PCDHGB1: variants seen among roughly 807,000 people sequenced by gnomAD.
PCDHGB1 encodes the protein protocadherin gamma-B1.
In PCDHGB1, 34 loss-of-function variants were observed where a neutral mutation model predicts 56.6. That is an observed-to-expected ratio of 0.60 (90% confidence interval 0.46 to 0.80). The LOEUF (loss-of-function observed/expected upper bound fraction) is 0.80. Ranked by LOEUF, PCDHGB1 falls within the 30% of genes least tolerant of loss-of-function variation. PCDHGB1 has a pLI of 0.00. For missense variants in PCDHGB1, 1,278 were observed against 1,204.6 expected, an observed-to-expected ratio of 1.06 and a Z score of -0.90; for synonymous variants, 561 against 505.9, an observed-to-expected ratio of 1.11 and a Z score of -1.46.
chr5:141,382,890 C>A, intron 1 of PCDHGB1: 2 of 1,532,810 alleles, frequency 1.3e-6, no homozygotes, highest in Non-Finnish European at 1.8e-6. Flanking sequence ...GCAAGAGAAG[C>A]AGGACGACTA....
rs373430964 is a variant in PCDHGB1, at chr5:141,374,999, A to G, written c.2409+22330A>G. The G allele has an allele frequency of 1.1e-5, 17 of 1,613,928 alleles. No homozygotes were observed. The African/African-American group carries it at 2.1e-4, about 20-fold the overall frequency. On this transcript the variant is annotated intron_variant, in intron 1 of 3. Transcript: ENST00000523390. ...GACTGGAGAAATTTCAACTTCTGCA[A>G]ATCTAGACTATGAGGACTCGAGTTT...
At chr5:141,373,805 G>T in intron 1 of PCDHGB1, 1 of 337,732 alleles carries the variant, frequency 3.0e-6, no homozygotes, top group Non-Finnish European at 5.3e-6. Context: ...TCCTCTGTGT[G>T]ATAGTTTCAC....
intron 2 of PCDHGB1, among the ~76,000 whole-genome samples, chr5:141,497,865 A>G (rs1248242691): frequency 2.0e-5 from 3 of 152,168 alleles, no homozygotes; most frequent in Admixed American, 2.0e-4. Flanking sequence ...CAGCGGCTCC[A>G]AAGTGAAATA....
chr5:141,415,828 G>T, intron 1 of PCDHGB1: 1 of 1,293,336 alleles, frequency 7.7e-7, no homozygotes, highest in East Asian at 2.8e-5. Flanking sequence ...ATAAGGCTTT[G>T]TTATGATTAG....
At chr5:141,416,993 C>T (rs1230909560) in intron 1 of PCDHGB1, 1 of 151,494 alleles carries the variant, frequency 6.6e-6, no homozygotes, top group Non-Finnish European at 1.5e-5. Context: ...ATTGTGCATT[C>T]ATCTCAAATA....
At chr5:141,434,080 A>G (rs775751994) in intron 1 of PCDHGB1, among the ~76,000 whole-genome samples, 2 of 152,042 alleles carry the variant, frequency 1.3e-5, no homozygotes, top group Non-Finnish European at 2.9e-5. Flanking sequence ...TCAATTATTT[A>G]TTTTGATGCT....
chr5:141,418,007 C>G (rs1561770675), intron 1 of PCDHGB1: 1 of 1,613,904 alleles, frequency 6.2e-7, no homozygotes, highest in Non-Finnish European at 8.5e-7. Flanking sequence ...GGTGGGGAAC[C>G]TCGCTAAGGA....
chr5:141,483,435 A>G (rs2099581280), intron 1 of PCDHGB1, among the ~76,000 whole-genome samples: 1 of 152,180 alleles, frequency 6.6e-6, no homozygotes, highest in Admixed American at 6.5e-5. Context: ...GGAGCTGACT[A>G]CAATAAAATC....
intron 2 of PCDHGB1, among the ~76,000 whole-genome samples, chr5:141,499,800 C>A (rs2099794584): frequency 6.6e-6 from 1 of 150,704 alleles, no homozygotes; most frequent in Admixed American, 6.7e-5. Context: ...AATTCTCATG[C>A]TTCAGCCTCC....
chr5:141,393,073 C>T, intron 1 of PCDHGB1: 1 of 1,613,658 alleles, frequency 6.2e-7, no homozygotes. Context: ...TTGATCACCG[C>T]GGGCAGGATA....
Position 141,485,581 on chromosome 5 carries a change from G to C in PCDHGB1, c.2410-9226G>C. The C allele has an allele frequency of 6.2e-7, 1 of 1,612,458 alleles. No individual in the cohort carries two copies. The highest frequency in any genetic ancestry group is 8.5e-7 in the Non-Finnish European group (1 of 1,178,652). ...ATCACGCCCCCCGTTTTCCGCGGCA[G>C]CAGCTGGACTTGGAAATTGGGGAGG... On this transcript the variant is annotated intron_variant, in intron 1 of 3. Coordinates refer to ENST00000523390, the MANE Select transcript of PCDHGB1 (RefSeq NM_018922.3). This position sits in a 1 kb window ranked among gnomAD's most constrained non-coding sequence, Gnocchi z 5.7.
At chr5:141,400,161 T>A (rs1271912348) in intron 1 of PCDHGB1, 1 of 1,614,084 alleles carries the variant, frequency 6.2e-7, no homozygotes, top group South Asian at 1.1e-5. Flanking sequence ...CTGTACCCTC[T>A]GACCCCCAGG....
In PCDHGB1 at chr5:141,370,967, C is replaced by T. The variant is rs776738496; in HGVS notation, c.2409+18298C>T. On this transcript the variant is annotated intron_variant, in intron 1 of 3. Transcript: ENST00000523390. ...AGGAGAACCTGGATGGCAGTAGGTA[C>T]CCAGAGCTAGTACTGAAAGCACCCC... is the stretch of plus-strand genomic sequence containing the variant. 9.3e-6 allele frequency: 15 copies of T among 1,613,878 alleles called. 1 individual carries two copies. The South Asian group carries it at 1.3e-4, about 14-fold the overall frequency.
At chr5:141,374,879 G>A in intron 1 of PCDHGB1, 1 of 1,613,694 alleles carries the variant, frequency 6.2e-7, no homozygotes, top group Non-Finnish European at 8.5e-7. Flanking sequence ...GGCAGTGACT[G>A]CCACCGACCA....
chr5:141,371,675 A>T (rs1373502908), intron 1 of PCDHGB1: 3 of 1,614,002 alleles, frequency 1.9e-6, no homozygotes, highest in South Asian at 2.2e-5. Context: ...CTACCGACAA[A>T]GGCAATCCAC....
At chr5:141,503,836 A>G (rs1260399957) in intron 2 of PCDHGB1, among the ~76,000 whole-genome samples, 4 of 152,142 alleles carry the variant, frequency 2.6e-5, no homozygotes, top group Admixed American at 6.5e-5. Flanking sequence ...AAAAGCAGGG[A>G]CAGACCTTGG....
rs11952292 is a variant in PCDHGB1 at position 141,491,682 on chromosome 5, G to T, written c.2410-3125G>T. The T allele has an allele frequency of 0.072, 115,891 of 1,613,112 alleles. 4,572 individuals carry two copies. The highest frequency in any genetic ancestry group is 0.11 in the South Asian group (9,996 of 91,042). ...ACGCCATCCGGTCCCGCTCTAATAC[G>T]CTGCGGGAGCGGAGCCAGGTGAGGG... On this transcript the variant is annotated intron_variant, in intron 1 of 3. Coordinates refer to ENST00000523390, the MANE Select transcript of PCDHGB1 (RefSeq NM_018922.3). The surrounding 1 kb of genome is among the most constrained non-coding windows in gnomAD (Gnocchi z 6.9).
intron 1 of PCDHGB1, among the ~76,000 whole-genome samples, chr5:141,446,453 A>T (rs2098502702): frequency 6.6e-6 from 1 of 151,946 alleles, no homozygotes; most frequent in Non-Finnish European, 1.5e-5. Context: ...GCAGATATTC[A>T]GTGTGTGATT....
At chr5:141,381,987 G>A (rs896707419) in intron 1 of PCDHGB1, among the ~76,000 whole-genome samples, 9 of 151,320 alleles carry the variant, frequency 5.9e-5, no homozygotes, top group Non-Finnish European at 1.2e-4. Context: ...GCGCCACCAC[G>A]CCCGGATAAT....
Sources: gnomAD v4.1 joint callset for allele counts (sites outside exome capture counted in the v4.1 genomes callset) on GRCh38, gnomAD v4.1.1 for gene constraint, Gnocchi (gnomAD v3.1) non-coding constraint, MANE v1.5 for transcripts, NCBI Gene and HGNC (gene_info 2026-07-23, HGNC 2026-07-21) for gene names.